The following INPP5A variants were observed in gnomAD, a reference collection of about 807,000 sequenced individuals.
INPP5A encodes the protein 43 kDa inositol polyphosphate 5-phophatase.
INPP5A carries 14 observed loss-of-function variants against 65.2 expected under a neutral mutation model. The ratio of observed to expected loss-of-function variants is 0.21; its 90% CI spans 0.14 to 0.34. The LOEUF (loss-of-function observed/expected upper bound fraction) is 0.34. Among genes scored for constraint, INPP5A ranks in the 10% least tolerant of loss-of-function variants. The pLI, the probability that INPP5A is intolerant of heterozygous loss-of-function variation, is 1.00. For synonymous variants in INPP5A, 207 were observed against 208.3 expected, an observed-to-expected ratio of 0.99 and a Z score of 0.05; for missense variants, 431 against 545.6, an observed-to-expected ratio of 0.79 and a Z score of 2.09.
intron 1 of INPP5A, among the ~76,000 whole-genome samples, chr10:132,566,033 G>A (rs1188683458): frequency 6.6e-6 from 1 of 152,100 alleles, no homozygotes; most frequent in African/African-American, 2.4e-5. Flanking sequence ...TGTAGCCTCA[G>A]GAGTGTTCTC....
intron 4 of INPP5A, among the ~76,000 whole-genome samples, chr10:132,660,983 A>T (rs2072729241): frequency 6.6e-6 from 1 of 152,224 alleles, no homozygotes; most frequent in Non-Finnish European, 1.5e-5. Flanking sequence ...AAGTAGGGTC[A>T]AACCCAGGAG....
At chr10:132,746,576 C>T (rs1447001540) in intron 9 of INPP5A, among the ~76,000 whole-genome samples, 1 of 152,202 alleles carries the variant, frequency 6.6e-6, no homozygotes, top group African/African-American at 2.4e-5. Flanking sequence ...CCTTGGTTAT[C>T]CAAACAGTAA....
chr10:132,763,014 C>T (rs1389596119), intron 11 of INPP5A, among the ~76,000 whole-genome samples: 2 of 152,118 alleles, frequency 1.3e-5, no homozygotes, highest in African/African-American at 2.4e-5. Context: ...AACTTAAAAA[C>T]CATACTTGGG....
intron 8 of INPP5A, among the ~76,000 whole-genome samples, chr10:132,720,134 A>C: frequency 6.7e-6 from 1 of 148,598 alleles, no homozygotes; most frequent in Non-Finnish European, 1.5e-5. Flanking sequence ...CGGGCACCTT[A>C]GATGGCTGTC....
Position 132,728,504 on chromosome 10 carries a change from G to A in INPP5A, c.732+1599G>A, listed in dbSNP as rs370194545. ...TGTCATAGGCTCCTCCTCCACCCCCGCCAAGCCACAGGGGGCTGGAAGCGG... is the reference window on the plus strand; with the variant it reads ...TGTCATAGGCTCCTCCTCCACCCCCACCAAGCCACAGGGGGCTGGAAGCGG... On this transcript the variant is annotated intron_variant, in intron 9 of 15. Transcript: ENST00000368594. Among the ~76,000 whole-genome samples the A allele has an allele frequency of 2.4e-4, 37 of 152,334 alleles. No homozygotes were observed. In the East Asian group the frequency reaches 4.4e-3, roughly 18 times the overall value.
chr10:132,538,191 G>A lies in INPP5A; in HGVS notation c.75+20G>A, dbSNP rs1373890497. 2.1e-5 allele frequency: 27 copies of A among 1,266,050 alleles called. No individual in the cohort carries two copies. Among genetic ancestry groups the A allele is most frequent in the Middle Eastern group, 2.2e-4 (1 of 4,592 alleles). 78.4% of individuals were successfully genotyped at this position (1,266,050 alleles called of 1,614,324 possible). A position where few individuals can be genotyped will look rare whatever the true frequency, so the allele number is the denominator to read the frequency against. ...GACGACGTAAGTCCCCCGTGCCGGCGGCAGGCCCCAAGCCCGGAACCCCCG... is the reference window on the plus strand; with the variant it reads ...GACGACGTAAGTCCCCCGTGCCGGCAGCAGGCCCCAAGCCCGGAACCCCCG... On this transcript the variant is annotated intron_variant, in intron 1 of 15. Transcript: ENST00000368594. The surrounding 1 kb of genome is among the most constrained non-coding windows in gnomAD (Gnocchi z 4.1).
intron 12 of INPP5A, among the ~76,000 whole-genome samples, chr10:132,774,375 A>AT (rs1396994960): frequency 6.6e-6 from 1 of 152,224 alleles, no homozygotes; most frequent in African/African-American, 2.4e-5. Context: ...ATTGGTTAAT[A>AT]TTTTAACCAG....
chr10:132,559,832 T>C lies in INPP5A; in HGVS notation c.75+21661T>C, dbSNP rs561230341. On this transcript the variant is annotated intron_variant, in intron 1 of 15. Coordinates refer to ENST00000368594, the MANE Select transcript of INPP5A (RefSeq NM_005539.5). ...TGTGTTCTGGGCTCACCTGTGCTTC[T>C]TCCTTATGACTGAATGCTGTTTATT... Among the ~76,000 whole-genome samples the C allele has an allele frequency of 8.5e-4, 130 of 152,404 alleles. 2 individuals carry two copies. The highest frequency in any genetic ancestry group is 3.1e-3 in the African/African-American group (128 of 41,598).
chr10:132,712,207 G>A (rs920765027), intron 8 of INPP5A, among the ~76,000 whole-genome samples: 3 of 152,216 alleles, frequency 2.0e-5, no homozygotes, highest in Non-Finnish European at 4.4e-5. Context: ...GTGTGTGCCT[G>A]TGCGTGTGTG....
At chr10:132,679,796 A>G (rs2073018629) in intron 4 of INPP5A, among the ~76,000 whole-genome samples, 1 of 152,250 alleles carries the variant, frequency 6.6e-6, no homozygotes, top group Non-Finnish European at 1.5e-5. Context: ...CATGGAGCAG[A>G]GGGGACAGCC....
chr10:132,697,754 C>G lies in INPP5A; in HGVS notation c.371-62C>G, dbSNP rs1372541196. ...AAGTCGGGTGGAAACAGGTTGTGCT[C>G]CAGGCTGGTTGGATGGGGCACAGTG... On this transcript the variant is annotated intron_variant, in intron 5 of 15. Transcript: ENST00000368594. This position sits in a 1 kb window ranked among gnomAD's most constrained non-coding sequence, Gnocchi z 5.6. 22 of 1,166,124 alleles carry G rather than the reference C, an allele frequency of 1.9e-5. No individual in the cohort carries two copies. The highest frequency in any genetic ancestry group is 2.7e-5 in the Non-Finnish European group (21 of 785,764). 72.2% of individuals were successfully genotyped at this position (1,166,124 alleles called of 1,614,324 possible).
intron 1 of INPP5A, among the ~76,000 whole-genome samples, chr10:132,581,667 T>G (rs1003971832): frequency 6.6e-6 from 1 of 152,254 alleles, no homozygotes; most frequent in Non-Finnish European, 1.5e-5. Flanking sequence ...AGCTGCTTAT[T>G]GACCATTCAT....
intron 4 of INPP5A, among the ~76,000 whole-genome samples, chr10:132,670,895 G>A (rs2072881828): frequency 6.7e-6 from 1 of 149,780 alleles, no homozygotes; most frequent in African/African-American, 2.5e-5. Flanking sequence ...CATGTGGTCA[G>A]GACAGCGGTG....
chr10:132,769,296 C>G (rs1020680553), intron 12 of INPP5A, among the ~76,000 whole-genome samples: 1 of 152,254 alleles, frequency 6.6e-6, no homozygotes, highest in South Asian at 2.1e-4. Context: ...ACGGTTCTTC[C>G]TAGCGCCTTC....
intron 1 of INPP5A, among the ~76,000 whole-genome samples, chr10:132,579,971 A>C (rs1174517202): frequency 1.4e-5 from 2 of 138,492 alleles, no homozygotes; most frequent in Admixed American, 7.4e-5. Context: ...AGGCTGGTCC[A>C]CTCCCGATAC....
At chr10:132,780,600 C>T (rs1847143421) in intron 13 of INPP5A, among the ~76,000 whole-genome samples, 1 of 152,246 alleles carries the variant, frequency 6.6e-6, no homozygotes, top group African/African-American at 2.4e-5. Flanking sequence ...GAGGCAGATA[C>T]CTGTTGTCCA....
intron 1 of INPP5A, among the ~76,000 whole-genome samples, chr10:132,559,810 G>A (rs929323099): frequency 2.0e-5 from 3 of 152,262 alleles, no homozygotes; most frequent in African/African-American, 4.8e-5. Context: ...CAGCACGTGT[G>A]TTCTGGGCTC....
chr10:132,758,226 C>T (rs1275359591), intron 11 of INPP5A, among the ~76,000 whole-genome samples: 4 of 110,608 alleles, frequency 3.6e-5, no homozygotes, highest in East Asian at 5.7e-4. Flanking sequence ...AGTGCGATGT[C>T]GTGGGTCCCT....
At position 132,753,558 on chromosome 10, in the gene INPP5A, C is replaced by A. The variant is rs145826461; in HGVS notation, c.903+3713C>A. ...AGCTTTGTTTAGTCGATATTCCCAT[C>A]GAAATTGTATAATTAATTATAAGTG... is the stretch of plus-strand genomic sequence containing the variant. On this transcript the variant is annotated intron_variant, in intron 11 of 15. Coordinates refer to ENST00000368594, the MANE Select transcript of INPP5A (RefSeq NM_005539.5). The surrounding 1 kb of genome is among the most constrained non-coding windows in gnomAD (Gnocchi z 5.3). Among the ~76,000 whole-genome samples, 50 of 152,262 alleles carry A rather than the reference C, an allele frequency of 3.3e-4. No individual in the cohort carries two copies. Among genetic ancestry groups the A allele is most frequent in the African/African-American group, 1.2e-3 (50 of 41,540 alleles).
Sources: allele counts gnomAD v4.1 joint callset (sites outside exome capture counted in the v4.1 genomes callset), GRCh38; gene constraint gnomAD v4.1.1; non-coding constraint Gnocchi (gnomAD v3.1); transcripts MANE v1.5; gene names NCBI Gene and HGNC (gene_info 2026-07-23, HGNC 2026-07-21).